KCNIP1: variants seen among roughly 807,000 people sequenced by gnomAD.
The protein encoded by KCNIP1 is potassium voltage-gated channel interacting protein 1.
Under a neutral mutation model 33.0 loss-of-function variants are expected in KCNIP1, and 18 were observed. The observed-to-expected ratio is 0.55, with a 90% CI of 0.38 to 0.81. KCNIP1 has a LOEUF of 0.81. Among genes scored for constraint, KCNIP1 ranks in the 30% least tolerant of loss-of-function variants. The pLI, the probability that KCNIP1 is intolerant of heterozygous loss-of-function variation, is 0.00. For missense variants in KCNIP1, 238 were observed against 271.6 expected (o/e 0.88, Z 0.87); for synonymous variants, 93 against 98.3 (o/e 0.95, Z 0.32).
chr5:170,566,389 G>A (rs778930804), intron 1 of KCNIP1, among the ~76,000 whole-genome samples: 38 of 152,180 alleles, frequency 2.5e-4, no homozygotes, highest in Non-Finnish European at 4.1e-4. Flanking sequence ...CACCGCGCCC[G>A]GCCAACTATC....
chr5:170,671,451 T>C (rs1202449878), intron 1 of KCNIP1, among the ~76,000 whole-genome samples: 1 of 152,176 alleles, frequency 6.6e-6, no homozygotes, highest in Admixed American at 6.5e-5. Context: ...CTTCAGCTCT[T>C]AGTTGAAGCA....
intron 1 of KCNIP1, among the ~76,000 whole-genome samples, chr5:170,698,231 C>A (rs1042855493): frequency 2.0e-5 from 3 of 152,154 alleles, no homozygotes; most frequent in African/African-American, 7.2e-5. Flanking sequence ...GGGGTTAGAT[C>A]ACAGCCACTG....
upstream of KCNIP1, chr5:170,503,997 T>A: frequency 1.5e-4 from 82 of 560,182 alleles, no homozygotes; most frequent in Non-Finnish European, 1.6e-4. Flanking sequence ...CGCCGCCCCC[T>A]CCGCCGCCCC....
At chr5:170,712,811 T>C in intron 1 of KCNIP1, 1 of 1,604,370 alleles carries the variant, frequency 6.2e-7, no homozygotes, top group Non-Finnish European at 8.5e-7. Context: ...GTTTTGCTTT[T>C]CGATGAATCG....
chr5:170,392,368 C>T (rs141068171), intron 1 of KCNIP1, among the ~76,000 whole-genome samples: 122 of 152,262 alleles, frequency 8.0e-4, no homozygotes, highest in African/African-American at 2.6e-3. Flanking sequence ...CATGCCCCTG[C>T]GTTTTGGGGT....
chr5:170,595,442 C>A (rs1758410728), intron 1 of KCNIP1, among the ~76,000 whole-genome samples: 1 of 152,200 alleles, frequency 6.6e-6, no homozygotes, highest in Non-Finnish European at 1.5e-5. Flanking sequence ...AGCCAATCCC[C>A]ATGCTGAGCG....
intron 1 of KCNIP1, among the ~76,000 whole-genome samples, chr5:170,605,237 C>T (rs992567614): frequency 1.3e-5 from 2 of 152,182 alleles, no homozygotes; most frequent in Non-Finnish European, 2.9e-5. Flanking sequence ...TGCTGCTCAT[C>T]TGAGTCCCTC....
intron 1 of KCNIP1, among the ~76,000 whole-genome samples, chr5:170,701,817 A>G (rs1763109233): frequency 6.6e-6 from 1 of 151,954 alleles, no homozygotes; most frequent in African/African-American, 2.4e-5. Flanking sequence ...GGCAACTGAG[A>G]CTCAGAGGAT....
chr5:170,562,732 T>C (rs1421325576), intron 1 of KCNIP1, among the ~76,000 whole-genome samples: 1 of 152,196 alleles, frequency 6.6e-6, no homozygotes, highest in Non-Finnish European at 1.5e-5. Flanking sequence ...CATTTGCATT[T>C]CAAGTTTCCT....
At chr5:170,568,647 C>CAAAAAAA (rs1417687441) in intron 1 of KCNIP1, among the ~76,000 whole-genome samples, 1 of 4,678 alleles carries the variant, frequency 2.1e-4, no homozygotes, top group Non-Finnish European at 1.0e-3. Flanking sequence ...CCCGTTTCTA[C>CAAAAAAA]TAAAAAAAAA....
At chr5:170,626,684 C>G (rs79212302) in intron 1 of KCNIP1, among the ~76,000 whole-genome samples, 2,976 of 152,294 alleles carry the variant, frequency 0.02, 119 homozygotes, top group African/African-American at 0.068. Flanking sequence ...AGTGCTGCCC[C>G]AGAAGGAGTA....
intron 1 of KCNIP1, among the ~76,000 whole-genome samples, chr5:170,444,921 G>A (rs921665101): frequency 1.3e-5 from 2 of 152,178 alleles, no homozygotes; most frequent in African/African-American, 4.8e-5. Context: ...AGGGAGAATT[G>A]AGTTGGGGCC....
chr5:170,586,919 G>C (rs903812440), intron 1 of KCNIP1, among the ~76,000 whole-genome samples: 2 of 152,178 alleles, frequency 1.3e-5, no homozygotes, highest in African/African-American at 4.8e-5. Flanking sequence ...GCAGTGAACA[G>C]AATAGATGAG....
intron 1 of KCNIP1, chr5:170,383,979 A>C (rs1044572491): frequency 2.2e-6 from 2 of 891,484 alleles, no homozygotes; most frequent in Non-Finnish European, 3.4e-6. Flanking sequence ...TCTTGTCTTC[A>C]GCATCCAGCA....
intron 1 of KCNIP1, among the ~76,000 whole-genome samples, chr5:170,442,425 T>C (rs1017768669): frequency 6.6e-6 from 1 of 152,190 alleles, no homozygotes; most frequent in African/African-American, 2.4e-5. Context: ...TTCAGTTTTC[T>C]TGTCTGCAAA....
At chr5:170,654,159 T>A (rs913739915) in intron 1 of KCNIP1, among the ~76,000 whole-genome samples, 5 of 152,188 alleles carry the variant, frequency 3.3e-5, no homozygotes, top group Non-Finnish European at 5.9e-5. Flanking sequence ...CCACCTTCTC[T>A]GAGAAGGCTG....
chr5:170,416,077 A>G (rs1755322185), intron 1 of KCNIP1, among the ~76,000 whole-genome samples: 2 of 152,074 alleles, frequency 1.3e-5, no homozygotes, highest in Admixed American at 1.3e-4. Flanking sequence ...AGGAGTGACA[A>G]CAAGCCCTCT....
chr5:170,680,586 C>T (rs1191586617), intron 1 of KCNIP1: 2 of 152,350 alleles, frequency 1.3e-5, no homozygotes, highest in Non-Finnish European at 2.9e-5. Context: ...TCCAGACCAG[C>T]TTGTTGGGTT....
intron 1 of KCNIP1, among the ~76,000 whole-genome samples, chr5:170,366,190 C>T (rs1027443372): frequency 6.6e-6 from 1 of 152,202 alleles, no homozygotes; most frequent in African/African-American, 2.4e-5. Context: ...ATGTCCAGAA[C>T]CTTTAAAATC....
Sources: gnomAD v4.1 joint callset for allele counts (sites outside exome capture counted in the v4.1 genomes callset) on GRCh38, gnomAD v4.1.1 for gene constraint, MANE v1.5 for transcripts, NCBI Gene and HGNC (gene_info 2026-07-23, HGNC 2026-07-21) for gene names.